Variants in ABCB9 observed in about 807,000 individuals in gnomAD.
The protein encoded by ABCB9 is ATP binding cassette subfamily B member 9, also known as ABC-type oligopeptide transporter ABCB9.
In ABCB9, 36 loss-of-function variants were observed where a neutral mutation model predicts 62.0. That is an observed-to-expected ratio of 0.58 (90% CI 0.45 to 0.77). The LOEUF is 0.77. Ranked by LOEUF, ABCB9 falls within the 30% of genes least tolerant of loss-of-function variation. The probability of loss-of-function intolerance (pLI) is 0.00; values close to 1 mark genes in which losing one functional copy is unlikely to be tolerated. For synonymous variants in ABCB9, 435 were observed against 461.4 expected (o/e 0.94, Z 0.73); for missense variants, 943 against 1,054.7 (o/e 0.89, Z 1.47).
At position 122,944,348 on chromosome 12, in the gene ABCB9, C is replaced by G. The variant is rs966777355; in HGVS notation, c.1380+43G>C. On this transcript the variant is annotated intron_variant, in intron 7 of 11. Transcript: ENST00000280560. The surrounding 1 kb of genome is among the most constrained non-coding windows in gnomAD (Gnocchi z 4.9). ...CCTGTTAAGATCCCTCTTCCCCAAA[C>G]TCCTCCCTTCTCTCTGGATCCCCGG... The G allele has an allele frequency of 4.1e-6, 6 of 1,479,802 alleles. No homozygotes were observed. Among genetic ancestry groups the G allele is most frequent in the Non-Finnish European group, 5.5e-6 (6 of 1,084,798 alleles). The allele number at this position is 1,479,802 out of a possible 1,614,324, so 91.7% of individuals were successfully genotyped here.
chr12:122,950,393 T>C, intron 3 of ABCB9, 58 bp downstream of exon 3: 1 of 1,493,044 alleles, frequency 6.7e-7, no homozygotes, highest in East Asian at 2.4e-5. Flanking sequence ...GGCCCTCCCT[T>C]CCCTCCCTGG....
rs751156235 is a variant in ABCB9 at position 122,940,988 on chromosome 12, C to T, written c.1388G>A (p.Gly463Asp). 4.4e-6 allele frequency: 7 copies of T among 1,602,268 alleles called. No homozygotes were observed. Among genetic ancestry groups the T allele is most frequent in the Non-Finnish European group, 6.0e-6 (7 of 1,171,910 alleles). ...CTGCATCAGGCCACTGTAGACGGAG[C>T]CCACGGACTGGGGAGAGGAGACACG... ...FVLGDCMESV[G>D]SVYSGLMQGV... Residue 463 changes from glycine to aspartate, a missense_variant, in exon 8 of 12, where the codon GGC becomes GAC. Physicochemically the swap from Gly to Asp is moderately conservative, Grantham distance 94 (BLOSUM62 -1). Coordinates refer to ENST00000280560, the MANE Select transcript of ABCB9 (RefSeq NM_019625.4). This position sits in a 1 kb window ranked among gnomAD's most constrained non-coding sequence, Gnocchi z 4.8.
In ABCB9 at chr12:122,930,692, A is replaced by G. The variant is rs1276761585; in HGVS notation, c.2041-521T>C. On this transcript the variant is annotated intron_variant, in intron 11 of 11. Coordinates refer to ENST00000280560, the MANE Select transcript of ABCB9 (RefSeq NM_019625.4). The surrounding 1 kb of genome is among the most constrained non-coding windows in gnomAD (Gnocchi z 4.9). ...CCAAAGTGCTGGGATTACAGGTGTG[A>G]GCCACCGCGCCTGGCCTTCCTTGTT... Among the ~76,000 whole-genome samples, 2 of 151,784 alleles carry G rather than the reference A, an allele frequency of 1.3e-5. No homozygotes were observed. Among genetic ancestry groups the G allele is most frequent in the African/African-American group, 4.8e-5 (2 of 41,288 alleles).
chr12:122,935,249 A>G (rs755648175), intron 10 of ABCB9, 23 bp downstream of exon 10: 1 of 1,587,090 alleles, frequency 6.3e-7, no homozygotes, highest in South Asian at 1.1e-5. Flanking sequence ...GGCCCAGGAG[A>G]GGGGCCACCC....
chr12:122,969,330 G>A (rs2037245144), upstream of ABCB9, among the ~76,000 whole-genome samples: 1 of 152,234 alleles, frequency 6.6e-6, no homozygotes, highest in South Asian at 2.1e-4. Context: ...TTTGGGTGAG[G>A]AATGTTCTAA....
chr12:122,956,040 C>G (rs957244769), intron 2 of ABCB9, among the ~76,000 whole-genome samples: 1 of 152,162 alleles, frequency 6.6e-6, no homozygotes, highest in Non-Finnish European at 1.5e-5. Context: ...GTCATAAAAG[C>G]TATAACTGAG....
chr12:122,948,080 G>A (rs2036140178), intron 5 of ABCB9: 2 of 152,604 alleles, frequency 1.3e-5, no homozygotes, highest in African/African-American at 4.8e-5. Context: ...CCACAGGCAT[G>A]CGCCACCAAG....
intron 6 of ABCB9, among the ~76,000 whole-genome samples, chr12:122,945,361 T>C (rs2035976776): frequency 6.6e-6 from 1 of 152,058 alleles, no homozygotes; most frequent in Non-Finnish European, 1.5e-5. Context: ...AGTGACATGA[T>C]CCAAGTGCTC....
chr12:122,924,689 G>A, downstream of ABCB9: 2 of 1,523,118 alleles, frequency 1.3e-6, no homozygotes, highest in Non-Finnish European at 1.8e-6. Flanking sequence ...CCAGCCCTGG[G>A]GTGCCGTGCT....
At chr12:122,962,188 C>T (rs1235244715) in intron 1 of ABCB9, among the ~76,000 whole-genome samples, 1 of 152,190 alleles carries the variant, frequency 6.6e-6, no homozygotes, top group Non-Finnish European at 1.5e-5. Flanking sequence ...TCCCCCAGAG[C>T]CGCAGGGACA....
downstream of ABCB9, among the ~76,000 whole-genome samples, chr12:122,925,658 G>A (rs1388490078): frequency 2.6e-5 from 4 of 152,202 alleles, no homozygotes; most frequent in Non-Finnish European, 5.9e-5. Context: ...TGAGGCAGGA[G>A]AATGGCATGA....
At chr12:122,928,609 C>T (rs2034975308), downstream of ABCB9, among the ~76,000 whole-genome samples, 1 of 152,116 alleles carries the variant, frequency 6.6e-6, no homozygotes, top group African/African-American at 2.4e-5. Context: ...AACCTCCCTG[C>T]TGATTGAGCT....
downstream of ABCB9, among the ~76,000 whole-genome samples, chr12:122,926,059 A>G (rs1406235975): frequency 2.0e-5 from 3 of 152,180 alleles, no homozygotes; most frequent in Non-Finnish European, 2.9e-5. Flanking sequence ...CAGATTTTAG[A>G]ATGCTGGCGG....
chr12:122,967,122 C>A (rs1037491396), upstream of ABCB9, among the ~76,000 whole-genome samples: 1 of 152,128 alleles, frequency 6.6e-6, no homozygotes, highest in Non-Finnish European at 1.5e-5. Flanking sequence ...GGGGAGGCAG[C>A]GATATGTCCT....
rs1172428324 is a variant in ABCB9 at position 122,944,641 on chromosome 12, C to A, written c.1252-122G>T. ...GCAGACCCAGCCACAAACTGAAATG[C>A]CGGCCGTTGGCAGGGGTGTCTTCCA... is the stretch of plus-strand genomic sequence containing the variant. On this transcript the variant is annotated intron_variant, in intron 6 of 11. Coordinates refer to ENST00000280560, the MANE Select transcript of ABCB9 (RefSeq NM_019625.4). The surrounding 1 kb of genome is among the most constrained non-coding windows in gnomAD (Gnocchi z 4.9). 1 of 1,408,906 alleles carries A rather than the reference C, an allele frequency of 7.1e-7. No individual in the cohort carries two copies. Among genetic ancestry groups the A allele is most frequent in the Non-Finnish European group, 9.5e-7 (1 of 1,048,508 alleles). The allele number at this position is 1,408,906 out of a possible 1,614,324, so 87.3% of individuals were successfully genotyped here. A position where few individuals can be genotyped will look rare whatever the true frequency, so the allele number is the denominator to read the frequency against.
In ABCB9 at chr12:122,940,737, G is replaced by A. The variant is rs1258817163; in HGVS notation, c.1569+70C>T. Reference sequence around the variant, plus strand: ...CCCAGCTGCCCTGCCACAGCCTGGTGTATAGGAGGTGCACCAGAAATGGGG... The same window carrying A: ...CCCAGCTGCCCTGCCACAGCCTGGTATATAGGAGGTGCACCAGAAATGGGG... On this transcript the variant is annotated intron_variant, in intron 8 of 11. Transcript: ENST00000280560. The surrounding 1 kb of genome is among the most constrained non-coding windows in gnomAD (Gnocchi z 4.8). 1.4e-6 allele frequency: 2 copies of A among 1,474,946 alleles called. No homozygotes were observed. Among genetic ancestry groups the A allele is most frequent in the African/African-American group, 1.4e-5 (1 of 71,940 alleles). 91.4% of individuals were successfully genotyped at this position (1,474,946 alleles called of 1,614,324 possible). A position where few individuals can be genotyped will look rare whatever the true frequency, so the allele number is the denominator to read the frequency against.
chr12:122,949,562 C>T (rs1487837335), intron 4 of ABCB9, among the ~76,000 whole-genome samples: 5 of 152,226 alleles, frequency 3.3e-5, no homozygotes, highest in Non-Finnish European at 7.3e-5. Context: ...CCTCGGGTGG[C>T]CTGGCCTGGG....
chr12:122,962,192 A>G (rs1016425188), intron 1 of ABCB9, among the ~76,000 whole-genome samples: 3 of 152,126 alleles, frequency 2.0e-5, no homozygotes, highest in Non-Finnish European at 4.4e-5. Context: ...CCAGAGCCGC[A>G]GGGACACCCG....
chr12:122,960,415 C>G (rs2036832414), intron 1 of ABCB9, 93 bp from the exon 2 acceptor site: 1 of 823,738 alleles, frequency 1.2e-6, no homozygotes, highest in Admixed American at 3.0e-5. Flanking sequence ...CATCTCTGAG[C>G]CTTAGTTTTC....
Sources: gnomAD v4.1 joint callset for allele counts (sites outside exome capture counted in the v4.1 genomes callset) on GRCh38, gnomAD v4.1.1 for gene constraint, Gnocchi (gnomAD v3.1) non-coding constraint, MANE v1.5 for transcripts, NCBI Gene and HGNC (gene_info 2026-07-23, HGNC 2026-07-21) for gene names.